The following CCNY variants were observed in gnomAD, a reference collection of about 807,000 sequenced individuals.
CCNY encodes the protein cyclin Y.
CCNY carries 19 observed loss-of-function variants against 42.8 expected under a neutral mutation model. The observed-to-expected ratio is 0.44, with a 90% CI of 0.31 to 0.65. The LOEUF (loss-of-function observed/expected upper bound fraction) is 0.65, where lower values mean the gene tolerates loss of function less well. Ranked by LOEUF, CCNY falls within the 30% of genes least tolerant of loss-of-function variation. The pLI is 0.07. For synonymous variants in CCNY, 165 were observed against 162.7 expected (o/e 1.01, Z -0.11); for missense variants, 370 against 437.3 (o/e 0.85, Z 1.37).
chr10:35,358,030 G>T (rs1836596700), intron 1 of CCNY, among the ~76,000 whole-genome samples: 1 of 151,852 alleles, frequency 6.6e-6, no homozygotes, highest in Non-Finnish European at 1.5e-5. Context: ...CATTCCTTCA[G>T]TGCTTCCTTA....
chr10:35,563,579 T>C (rs954043016), intron 8 of CCNY, among the ~76,000 whole-genome samples: 1 of 152,220 alleles, frequency 6.6e-6, no homozygotes, highest in Admixed American at 6.5e-5. Context: ...TCTGACGCTT[T>C]CGTTTTGTTG....
chr10:35,476,238 C>T (rs1412492180), intron 1 of CCNY, among the ~76,000 whole-genome samples: 2 of 152,084 alleles, frequency 1.3e-5, no homozygotes, highest in African/African-American at 4.8e-5. Context: ...GACAGAAAGT[C>T]AATAAGGATA....
At chr10:35,270,238 G>A (rs952107616) in intron 3 of CCNY, among the ~76,000 whole-genome samples, 2 of 152,100 alleles carry the variant, frequency 1.3e-5, no homozygotes, top group East Asian at 3.9e-4. Flanking sequence ...TTTGGTAGGG[G>A]CACCCGATCC....
intron 1 of CCNY, among the ~76,000 whole-genome samples, chr10:35,468,894 C>G (rs966384329): frequency 2.6e-5 from 4 of 152,122 alleles, no homozygotes; most frequent in Non-Finnish European, 5.9e-5. Context: ...AGCCCAGCCT[C>G]CTTTTCATTT....
intron 2 of CCNY, among the ~76,000 whole-genome samples, chr10:35,249,080 A>C (rs1410468752): frequency 2.6e-5 from 4 of 151,970 alleles, no homozygotes; most frequent in African/African-American, 9.7e-5. Flanking sequence ...CAACAGGTGC[A>C]TGCCACCACT....
intron 1 of CCNY, among the ~76,000 whole-genome samples, chr10:35,480,030 A>G (rs1271501583): frequency 6.6e-6 from 1 of 151,490 alleles, no homozygotes; most frequent in African/African-American, 2.4e-5. Context: ...TAGAGTTCCC[A>G]TGATAGAACA....
At chr10:35,428,045 A>T in intron 1 of CCNY, among the ~76,000 whole-genome samples, 1 of 152,226 alleles carries the variant, frequency 6.6e-6, no homozygotes, top group South Asian at 2.1e-4. Flanking sequence ...TGTTTCCTAT[A>T]CATATGTATG....
At chr10:35,395,202 A>G (rs539963056) in intron 1 of CCNY, among the ~76,000 whole-genome samples, 34 of 152,264 alleles carry the variant, frequency 2.2e-4, no homozygotes, top group African/African-American at 7.5e-4. Flanking sequence ...TTTACCAGAA[A>G]GTGATGGGTA....
At chr10:35,280,358 AAAGAAAGGAAGAAAGG>A (rs1034308728) in intron 3 of CCNY, among the ~76,000 whole-genome samples, 5 of 134,804 alleles carry the variant, frequency 3.7e-5, no homozygotes, top group South Asian at 4.9e-4. Context: ...AGAAGGAAAG[AAAGAAAGGAAGAAAGG>A]AAGAAGGGAA....
intron 1 of CCNY, among the ~76,000 whole-genome samples, chr10:35,375,808 A>G (rs1387013151): frequency 1.3e-5 from 2 of 152,198 alleles, no homozygotes; most frequent in Non-Finnish European, 2.9e-5. Flanking sequence ...AGGAAGGGAA[A>G]GGAGGCGAAG....
intron 3 of CCNY, among the ~76,000 whole-genome samples, chr10:35,276,568 T>C (rs550122135): frequency 3.9e-5 from 6 of 152,212 alleles, no homozygotes; most frequent in African/African-American, 1.2e-4. Context: ...AAATTTCTTA[T>C]AGAGACAGGG....
At chr10:35,453,715 G>T (rs1325114369) in intron 1 of CCNY, among the ~76,000 whole-genome samples, 3 of 152,166 alleles carry the variant, frequency 2.0e-5, no homozygotes, top group Admixed American at 6.5e-5. Flanking sequence ...TAATCAGTAG[G>T]TGAAAGAAAA....
At chr10:35,281,462 G>C (rs1835298475) in intron 3 of CCNY, among the ~76,000 whole-genome samples, 1 of 151,870 alleles carries the variant, frequency 6.6e-6, no homozygotes, top group Non-Finnish European at 1.5e-5. Flanking sequence ...ACCGTGCCCA[G>C]CTAATTTTTT....
In CCNY at chr10:35,357,664, A is replaced by G. The variant is rs113846577; in HGVS notation, c.154+20457A>G. On this transcript the variant is annotated intron_variant, in intron 1 of 9. Coordinates refer to ENST00000374704, the MANE Select transcript of CCNY (RefSeq NM_145012.6). ...TGATCACTTTGTGAAGCTGTGTCAT[A>G]TTCTAGGTTTCTTCAGTGTACTGTT... Among the ~76,000 whole-genome samples, 512 of 152,340 alleles carry G rather than the reference A, an allele frequency of 3.4e-3. 4 individuals carry two copies. Among genetic ancestry groups the G allele is most frequent in the African/African-American group, 0.012 (482 of 41,578 alleles).
chr10:35,533,487 A>G (rs1029470435), intron 7 of CCNY, among the ~76,000 whole-genome samples: 1 of 152,074 alleles, frequency 6.6e-6, no homozygotes, highest in African/African-American at 2.4e-5. Flanking sequence ...TACCGGACAC[A>G]CACCTGCCTC....
chr10:35,432,637 A>C lies in CCNY; in HGVS notation c.155-50767A>C. ...ACCAGCCATCTTATTGAGAGAGACA[A>C]TCTGTTCCTTCCACTGAAAGCTTAG... On this transcript the variant is annotated intron_variant, in intron 1 of 9. Transcript: ENST00000374704. 1.3e-5 allele frequency among the ~76,000 whole-genome samples: 2 copies of C among 152,252 alleles called. 1 individual carries two copies. Among genetic ancestry groups the C allele is most frequent in the Non-Finnish European group, 2.9e-5 (2 of 68,050 alleles).
chr10:35,423,660 C>G (rs538815861), intron 1 of CCNY, among the ~76,000 whole-genome samples: 215 of 152,136 alleles, frequency 1.4e-3, no homozygotes, highest in African/African-American at 5.1e-3. Flanking sequence ...GTAACTGAAT[C>G]CTTCAGAGAC....
chr10:35,437,147 A>G (rs1313489957), intron 1 of CCNY, among the ~76,000 whole-genome samples: 2 of 152,192 alleles, frequency 1.3e-5, no homozygotes, highest in East Asian at 3.8e-4. Flanking sequence ...ACCCGGCCCC[A>G]CCATTGACAC....
intron 3 of CCNY, among the ~76,000 whole-genome samples, chr10:35,279,266 C>G (rs1835273276): frequency 6.6e-6 from 1 of 152,032 alleles, no homozygotes. Context: ...CAGGCATGCA[C>G]CACCACGCCC....
Sources: allele counts gnomAD v4.1 joint callset (sites outside exome capture counted in the v4.1 genomes callset), GRCh38; gene constraint gnomAD v4.1.1; transcripts MANE v1.5; gene names NCBI Gene and HGNC (gene_info 2026-07-23, HGNC 2026-07-21).